The following DHX9 variants were observed in gnomAD, a reference collection of about 807,000 sequenced individuals.
DHX9 encodes ATP-dependent RNA helicase A.
Under a neutral mutation model 148.7 loss-of-function variants are expected in DHX9, and 27 were observed. That is an observed-to-expected ratio of 0.18 (90% CI 0.13 to 0.25). The LOEUF is 0.25. Ranked by LOEUF, DHX9 falls within the 10% of genes least tolerant of loss-of-function variation. The pLI, the probability that DHX9 is intolerant of heterozygous loss-of-function variation, is 1.00. For missense variants in DHX9, 796 were observed against 1,559.6 expected, an observed-to-expected ratio of 0.51 and a Z score of 8.25; for synonymous variants, 529 against 516.6, an observed-to-expected ratio of 1.02 and a Z score of -0.33.
At position 182,870,762 on chromosome 1, in the gene DHX9, A is replaced by G. The variant is rs534074890; in HGVS notation, c.1558-1575A>G. Among the ~76,000 whole-genome samples, 4 of 152,374 alleles carry G rather than the reference A, an allele frequency of 2.6e-5. No homozygotes were observed. The East Asian group carries it at 7.7e-4, about 29-fold the overall frequency. On this transcript the variant is annotated intron_variant, in intron 14 of 27. Transcript: ENST00000367549. ...CTAGACAGTGCTGTCCAAAAGAAAT[A>G]TGTAAGCCACATAGATAATTTAAAT...
rs1455145455 is a variant in DHX9, at chr1:182,879,099, T to C, written c.2352-151T>C. 1.1e-5 allele frequency: 6 copies of C among 548,220 alleles called. No homozygotes were observed. The East Asian group carries it at 1.8e-4, about 17-fold the overall frequency. 34.0% of individuals were successfully genotyped at this position (548,220 alleles called of 1,614,324 possible). ...CAGATTAAATTTTGTCAACAGTGTG[T>C]ATAGTGAACGATAAAAGGTCCGATG... On this transcript the variant is annotated intron_variant, in intron 20 of 27. Coordinates refer to ENST00000367549, the MANE Select transcript of DHX9 (RefSeq NM_001357.5).
intron 14 of DHX9, among the ~76,000 whole-genome samples, chr1:182,871,290 C>T (rs1648544639): frequency 6.6e-6 from 1 of 152,124 alleles, no homozygotes; most frequent in Non-Finnish European, 1.5e-5. Flanking sequence ...TACTCAATCT[C>T]ATTGGGACTA....
chr1:182,868,055 C>G (rs1388707761), intron 14 of DHX9, among the ~76,000 whole-genome samples: 3 of 152,134 alleles, frequency 2.0e-5, no homozygotes, highest in Non-Finnish European at 2.9e-5. Context: ...TAAGTTCAGT[C>G]AATCATTAGC....
chr1:182,857,641 T>A (rs1305405040), intron 7 of DHX9, among the ~76,000 whole-genome samples: 2 of 152,226 alleles, frequency 1.3e-5, no homozygotes, highest in Non-Finnish European at 2.9e-5. Flanking sequence ...GTTGAGTAGT[T>A]GTGACAAGAT....
At chr1:182,849,696 T>C (rs966589312) in intron 3 of DHX9, among the ~76,000 whole-genome samples, 5 of 152,226 alleles carry the variant, frequency 3.3e-5, no homozygotes, top group African/African-American at 1.2e-4. Context: ...TACCTTAGTA[T>C]TCTTTTAATT....
chr1:182,842,775 A>G, intron 2 of DHX9, 98 bp downstream of exon 2: 1 of 858,540 alleles, frequency 1.2e-6, no homozygotes, highest in Non-Finnish European at 1.8e-6. Context: ...TGTGTTGCAC[A>G]TTAGGAAACG....
At chr1:182,854,719 TGTATG>T (rs2102597555) in intron 6 of DHX9, among the ~76,000 whole-genome samples, 1 of 152,304 alleles carries the variant, frequency 6.6e-6, no homozygotes, top group South Asian at 2.1e-4. Flanking sequence ...CCTTGGTCTT[TGTATG>T]TGGGGGTGTA....
intron 27 of DHX9, among the ~76,000 whole-genome samples, chr1:182,886,173 A>G (rs534481317): frequency 6.7e-6 from 1 of 148,676 alleles, no homozygotes; most frequent in African/African-American, 2.5e-5. Context: ...TTTTATTTTT[A>G]TTTTTTTTTA....
chr1:182,876,148 G>A lies in DHX9; in HGVS notation c.1914G>A (p.Glu638=). 6.2e-7 allele frequency: 1 copy of A among 1,613,980 alleles called. No individual in the cohort carries two copies. The highest frequency in any genetic ancestry group is 8.5e-7 in the Non-Finnish European group (1 of 1,179,898). ...AGGAAACTCCTTTTGAACTCATCGA[G>A]GCTCTACTTAAGTACATTGAAACCC... ...NEKETPFELI[E]ALLKYIETLN... is the part of the protein sequence containing the mutation. Residue 638 remains glutamate (E), a synonymous_variant, in exon 17 of 28, where the codon GAG becomes GAA. Coordinates refer to ENST00000367549, the MANE Select transcript of DHX9 (RefSeq NM_001357.5).
chr1:182,843,207 G>T (rs1369116131), intron 2 of DHX9, 87 bp from the exon 3 acceptor site: 3 of 989,978 alleles, frequency 3.0e-6, no homozygotes, highest in Admixed American at 3.8e-5. Context: ...GCTGTTTGTT[G>T]TCTCTTAATG....
chr1:182,840,090 A>G (rs1441647170), intron 1 of DHX9, among the ~76,000 whole-genome samples: 1 of 152,130 alleles, frequency 6.6e-6, no homozygotes, highest in African/African-American at 2.4e-5. Flanking sequence ...GTGTGGCGAG[A>G]AGGCCTTCAA....
chr1:182,841,426 C>G (rs1196118308), intron 1 of DHX9, among the ~76,000 whole-genome samples: 1 of 152,200 alleles, frequency 6.6e-6, no homozygotes, highest in East Asian at 1.9e-4. Context: ...CTTCGTATTT[C>G]ATATTACTCA....
chr1:182,858,156 T>C lies in DHX9; in HGVS notation c.726T>C (p.Cys242=), dbSNP rs772176278. 3.7e-6 allele frequency: 6 copies of C among 1,614,026 alleles called. No homozygotes were observed. In the South Asian group the frequency reaches 6.6e-5, roughly 18 times the overall value. The part of the protein sequence containing the change: ...GSNKKLAAQS[C]ALSLVRQLYH... The stretch of plus-strand genomic sequence containing the variant: ...ATAAGAAATTGGCAGCACAGTCCTG[T>C]GCCCTGTCACTTGTCAGACAACTGT... The change falls in exon 8 of 28, where the codon TGT becomes TGC. Residue 242 remains cysteine (C), a synonymous_variant. Coordinates refer to ENST00000367549, the MANE Select transcript of DHX9 (RefSeq NM_001357.5).
chr1:182,866,877 T>C (rs1191753379), intron 13 of DHX9, 84 bp from the exon 14 acceptor site: 1 of 1,012,208 alleles, frequency 9.9e-7, no homozygotes, highest in East Asian at 2.5e-5. Flanking sequence ...GATGCTGGGG[T>C]CTCTTAGTTG....
At chr1:182,843,492 A>G (rs1667968692) in intron 3 of DHX9, 58 bp downstream of exon 3, 3 of 1,422,816 alleles carry the variant, frequency 2.1e-6, no homozygotes, top group Middle Eastern at 1.8e-4. Flanking sequence ...CAAACTCAAT[A>G]TGCGTAAGAG....
In DHX9 at chr1:182,883,643, T is replaced by C. The variant is rs556047036; in HGVS notation, c.3260+8T>C. The C allele has an allele frequency of 6.3e-6, 10 of 1,586,874 alleles. No individual in the cohort carries two copies. In the African/African-American group the frequency reaches 1.3e-4, roughly 21 times the overall value. On this transcript the variant is annotated splice_region_variant and intron_variant, in intron 26 of 27. Coordinates refer to ENST00000367549, the MANE Select transcript of DHX9 (RefSeq NM_001357.5). ...TGTGCTTGTAGATGACTGGTATGGA[T>C]TTTCAGATGTGAACTCCAAACTGAA... is the stretch of plus-strand genomic sequence containing the variant.
At chr1:182,855,263 G>A (rs1305494885) in intron 6 of DHX9, among the ~76,000 whole-genome samples, 2 of 152,178 alleles carry the variant, frequency 1.3e-5, no homozygotes, top group Admixed American at 6.5e-5. Flanking sequence ...GGTAGCACTT[G>A]GTGACTTTAA....
chr1:182,867,579 T>G (rs1557973655), intron 14 of DHX9, among the ~76,000 whole-genome samples: 1 of 152,196 alleles, frequency 6.6e-6, no homozygotes, highest in Admixed American at 6.5e-5. Flanking sequence ...ATTTTTGTAT[T>G]TTCAGTAAAG....
chr1:182,876,229 T>A lies in DHX9; in HGVS notation c.1995T>A (p.Thr665=). 1 of 1,613,932 alleles carries A rather than the reference T, an allele frequency of 6.2e-7. No individual in the cohort carries two copies. The highest frequency in any genetic ancestry group is 8.5e-7 in the Non-Finnish European group (1 of 1,179,870). Residue 665 remains threonine, a synonymous_variant, in exon 17 of 28, where the codon ACT becomes ACA. Transcript: ENST00000367549. ...VFLPGWNLIY[T]MQKHLEMNPH... is the part of the protein sequence containing the mutation. ...TGCCTGGCTGGAATCTGATTTATACTATGCAGAAGCATTTGGAAATGAATC... is the reference window on the plus strand; with the variant it reads ...TGCCTGGCTGGAATCTGATTTATACAATGCAGAAGCATTTGGAAATGAATC...
Sources: gnomAD v4.1 joint callset for allele counts (sites outside exome capture counted in the v4.1 genomes callset) on GRCh38, gnomAD v4.1.1 for gene constraint, MANE v1.5 for transcripts, NCBI Gene and HGNC (gene_info 2026-07-23, HGNC 2026-07-21) for gene names.